Variants in ZNF627 observed in about 807,000 individuals in gnomAD.
ZNF627 encodes zinc finger protein 627.
Under a neutral mutation model 10.6 loss-of-function variants are expected in ZNF627, and 12 were observed. That is an observed-to-expected ratio of 1.13 (90% confidence interval 0.73 to 1.84). The LOEUF is 1.84. Ranked by LOEUF, ZNF627 falls within the 40% of genes most tolerant of loss-of-function variation. The pLI is 0.00. For synonymous variants in ZNF627, 176 were observed against 187.1 expected (o/e 0.94, Z 0.48); for missense variants, 504 against 568.4 (o/e 0.89, Z 1.15).
In ZNF627 at chr19:11,616,879, C is replaced by T. The variant is rs375233180; in HGVS notation, c.376C>T (p.Arg126Cys). 159 of 1,613,994 alleles carry T rather than the reference C, an allele frequency of 9.9e-5. No homozygotes were observed. Among genetic ancestry groups the T allele is most frequent in the Middle Eastern group, 3.3e-4 (2 of 6,062 alleles). The change falls in exon 4 of 4, where the codon CGT (arginine) becomes TGT (cysteine). Residue 126 changes from arginine to cysteine, a missense_variant. Transcript: ENST00000361113. The stretch of plus-strand genomic sequence containing the variant: ...TAGGCACATCAGAGATCACACTGGA[C>T]GTGAACCAAATGAATATCAGGAATA... ...LNRHIRDHTG[R>C]EPNEYQEYGK... is the part of the protein sequence containing the mutation.
At chr19:11,599,058 C>T (rs1973541445) in intron 1 of ZNF627, among the ~76,000 whole-genome samples, 1 of 152,176 alleles carries the variant, frequency 6.6e-6, no homozygotes, top group South Asian at 2.1e-4. Flanking sequence ...GGTTGGGGTT[C>T]CCCTTTGGAA....
chr19:11,609,964 G>T (rs1973745476), intron 1 of ZNF627, among the ~76,000 whole-genome samples: 1 of 151,182 alleles, frequency 6.6e-6, no homozygotes, highest in Non-Finnish European at 1.5e-5. Context: ...CTCAAAGATG[G>T]TTTATCTCAA....
chr19:11,612,183 C>T (rs1344642813), intron 1 of ZNF627, among the ~76,000 whole-genome samples: 6 of 131,558 alleles, frequency 4.6e-5, no homozygotes, highest in Middle Eastern at 4.7e-3. Context: ...TGCAGTGGTG[C>T]GATCTCAGCT....
At chr19:11,613,498 CT>C (rs202239094) in intron 1 of ZNF627, among the ~76,000 whole-genome samples, 18 of 121,320 alleles carry the variant, frequency 1.5e-4, no homozygotes, top group South Asian at 5.6e-4. Context: ...ATTTTTACCT[CT>C]TTTTTTTTAA....
intron 3 of ZNF627, among the ~76,000 whole-genome samples, chr19:11,615,234 C>T (rs953059283): frequency 1.3e-5 from 2 of 151,258 alleles, no homozygotes; most frequent in African/African-American, 4.9e-5. Flanking sequence ...GCCTGAGCCA[C>T]CATGCCCAGC....
chr19:11,601,712 C>T (rs1973588053), intron 1 of ZNF627, among the ~76,000 whole-genome samples: 1 of 151,924 alleles, frequency 6.6e-6, no homozygotes, highest in African/African-American at 2.4e-5. Context: ...AGTATAAAAT[C>T]TTCAAGCATC....
Position 11,614,900 on chromosome 19 carries a change from C to A in ZNF627, c.191+13C>A. 1 of 1,579,882 alleles carries A rather than the reference C, an allele frequency of 6.3e-7. No homozygotes were observed. The highest frequency in any genetic ancestry group is 8.6e-7 in the Non-Finnish European group (1 of 1,160,930). Reference sequence around the variant, plus strand: ...GGAGAAATATAAGGTAATTTGCACTCACAAAAGAAAGTTCTGTTCCTTGAG... The same window carrying A: ...GGAGAAATATAAGGTAATTTGCACTAACAAAAGAAAGTTCTGTTCCTTGAG... On this transcript the variant is annotated intron_variant, in intron 3 of 3. Transcript: ENST00000361113.
rs377017181 is a variant in ZNF627 at position 11,617,303 on chromosome 19, G to A, written c.800G>A (p.Arg267Gln). 159 of 1,613,938 alleles carry A rather than the reference G, an allele frequency of 9.9e-5. No individual in the cohort carries two copies. The Middle Eastern group carries it at 1.2e-3, about 12-fold the overall frequency. Residue 267 changes from arginine to glutamine, a missense_variant, in exon 4 of 4, where the codon CGA becomes CAA. Arg to Gln is a conservative substitution (Grantham distance 43). Transcript: ENST00000361113. ...GCTTTCAGTTGTTCCAAGTACATTC[G>A]AATCCATGAACGAACTCACACAGGA... ...GKAFSCSKYI[R>Q]IHERTHTGEK...
At chr19:11,600,275 C>T (rs1214890809) in intron 1 of ZNF627, among the ~76,000 whole-genome samples, 3 of 151,894 alleles carry the variant, frequency 2.0e-5, no homozygotes, top group Non-Finnish European at 4.4e-5. Flanking sequence ...CCTGTCTCTA[C>T]TAAAAACACA....
intron 1 of ZNF627, among the ~76,000 whole-genome samples, chr19:11,603,284 C>CTT (rs34132887): frequency 0.37 from 44,448 of 119,722 alleles, 9,342 homozygotes; most frequent in Non-Finnish European, 0.45. Context: ...TATTCTTAGC[C>CTT]TTTTTTTTTT....
chr19:11,602,328 A>G (rs1973600289), intron 1 of ZNF627, among the ~76,000 whole-genome samples: 1 of 152,186 alleles, frequency 6.6e-6, no homozygotes, highest in Non-Finnish European at 1.5e-5. Context: ...AATTGTGAGG[A>G]AAATAAAGGG....
intron 3 of ZNF627, 74 bp downstream of exon 3, chr19:11,614,961 T>C: frequency 7.8e-7 from 1 of 1,274,362 alleles, no homozygotes. Context: ...TTTTTTTTTT[T>C]TTTTTAGATG....
At chr19:11,600,505 T>G (rs934527404) in intron 1 of ZNF627, among the ~76,000 whole-genome samples, 1 of 152,112 alleles carries the variant, frequency 6.6e-6, no homozygotes, top group African/African-American at 2.4e-5. Context: ...GTATGTTGTT[T>G]TTTTTTGTGG....
At chr19:11,614,345 C>T (rs753776064) in intron 1 of ZNF627, among the ~76,000 whole-genome samples, 182 bp from the exon 2 acceptor site, 2 of 152,142 alleles carry the variant, frequency 1.3e-5, no homozygotes, top group Non-Finnish European at 2.9e-5. Context: ...TAGTTCAGTT[C>T]TAGCAGCAGA....
At position 11,617,662 on chromosome 19, in the gene ZNF627, G is replaced by A; in HGVS notation, c.1159G>A (p.Gly387Arg). Residue 387 changes from glycine (G) to arginine (R), a missense_variant, in exon 4 of 4, where the codon GGA becomes AGA. By Grantham distance (125) the Gly-to-Arg change is moderately radical. Coordinates refer to ENST00000361113, the MANE Select transcript of ZNF627 (RefSeq NM_145295.4). Reference protein sequence around the residue: ...SFRKHERIHTGEKPYKCTKCG... With the variant: ...SFRKHERIHTREKPYKCTKCG... ...TCGAAAACATGAAAGAATTCACACTGGAGAGAAACCCTATAAATGTACAAA... is the reference window on the plus strand; with the variant it reads ...TCGAAAACATGAAAGAATTCACACTAGAGAGAAACCCTATAAATGTACAAA... The A allele has an allele frequency of 6.2e-7, 1 of 1,613,408 alleles. No individual in the cohort carries two copies. Among genetic ancestry groups the A allele is most frequent in the Non-Finnish European group, 8.5e-7 (1 of 1,179,802 alleles).
chr19:11,603,761 A>C (rs1302982913), intron 1 of ZNF627, among the ~76,000 whole-genome samples: 6 of 152,054 alleles, frequency 3.9e-5, no homozygotes, highest in African/African-American at 1.2e-4. Flanking sequence ...TGAACAGATA[A>C]TACTTAGAGT....
rs115701033 is a variant in ZNF627 at position 11,612,002 on chromosome 19, A to C, written c.4-2525A>C. ...CTAGTATAGGATTTTAGTCCAAAAA[A>C]ATGGCCTGCATAATTTTTACTATTT... On this transcript the variant is annotated intron_variant, in intron 1 of 3. Transcript: ENST00000361113. Among the ~76,000 whole-genome samples the C allele has an allele frequency of 7.2e-3, 1,092 of 152,238 alleles. 15 individuals are homozygous for C. Among genetic ancestry groups the C allele is most frequent in the African/African-American group, 0.025 (1,050 of 41,540 alleles).
rs1599650234 is a variant in ZNF627, at chr19:11,597,525, T to C, written c.-103T>C. The C allele has an allele frequency of 1.6e-6, 2 of 1,227,690 alleles. No homozygotes were observed. The highest frequency in any genetic ancestry group is 3.8e-5 in the South Asian group (1 of 26,166). The allele number at this position is 1,227,690 out of a possible 1,614,324, so 76.0% of individuals were successfully genotyped here. A position where few individuals can be genotyped will look rare whatever the true frequency, so the allele number is the denominator to read the frequency against. ...CCACCCGGGCTCGCGTCTCCGTTTC[T>C]CCGAGAGGCCCAAGGTGTCTCCGCC... is the stretch of plus-strand genomic sequence containing the variant. On this transcript the variant is annotated 5_prime_UTR_variant, in exon 1 of 4. Coordinates refer to ENST00000361113, the MANE Select transcript of ZNF627 (RefSeq NM_145295.4).
In ZNF627 at chr19:11,617,801, A is replaced by G. The variant is rs1421445465; in HGVS notation, c.1298A>G (p.Tyr433Cys). 6.2e-7 allele frequency: 1 copy of G among 1,610,742 alleles called. No individual in the cohort carries two copies. The highest frequency in any genetic ancestry group is 2.2e-5 in the East Asian group (1 of 44,874). ...GGGAAAGCCTTCAGTCGATCCACTT[A>G]CTTTCGAGTACATGAAAAAATTCAT... The part of the protein sequence containing the change: ...QCGKAFSRST[Y>C]FRVHEKIHTG... Residue 433 changes from tyrosine (Y) to cysteine (C), a missense_variant, in exon 4 of 4, where the codon TAC becomes TGC. Transcript: ENST00000361113.
Sources: gnomAD v4.1 joint callset for allele counts (sites outside exome capture counted in the v4.1 genomes callset) on GRCh38, gnomAD v4.1.1 for gene constraint, MANE v1.5 for transcripts, NCBI Gene and HGNC (gene_info 2026-07-23, HGNC 2026-07-21) for gene names.